Variants in VPS13B observed in about 807,000 individuals in gnomAD.
VPS13B encodes vacuolar protein sorting 13 homolog B.
Under a neutral mutation model 426.4 loss-of-function variants are expected in VPS13B, and 285 were observed. That is an observed-to-expected ratio of 0.67 (90% CI 0.61 to 0.74). VPS13B has a LOEUF of 0.74. VPS13B is among the 30% of genes least tolerant of loss of function. The pLI, the probability that VPS13B is intolerant of heterozygous loss-of-function variation, is 0.00. For missense variants in VPS13B, 4,537 were observed against 4,782.6 expected (o/e 0.95, Z 1.51); for synonymous variants, 1,676 against 1,676.4 (o/e 1.00, Z 0.01).
intron 19 of VPS13B, among the ~76,000 whole-genome samples, chr8:99,356,092 G>A (rs1812166825): frequency 6.6e-6 from 1 of 152,056 alleles, no homozygotes; most frequent in African/African-American, 2.4e-5. Flanking sequence ...TTTTATTGGG[G>A]TGAAAATAGA....
chr8:99,267,648 A>G (rs1818373388), intron 17 of VPS13B, among the ~76,000 whole-genome samples: 1 of 151,648 alleles, frequency 6.6e-6, no homozygotes, highest in Non-Finnish European at 1.5e-5. Flanking sequence ...AATCGCTTGA[A>G]CCAGGGGGTC....
intron 19 of VPS13B, among the ~76,000 whole-genome samples, chr8:99,365,965 T>G (rs1812855981): frequency 6.6e-6 from 1 of 151,894 alleles, no homozygotes; most frequent in Admixed American, 6.6e-5. Context: ...TCTCAGGTTT[T>G]TTGTTGTTTT....
At chr8:99,282,166 G>C (rs1236450218) in intron 19 of VPS13B, among the ~76,000 whole-genome samples, 1 of 151,976 alleles carries the variant, frequency 6.6e-6, no homozygotes, top group Non-Finnish European at 1.5e-5. Context: ...CCCTGCACAT[G>C]GTTGATGTTT....
intron 3 of VPS13B, among the ~76,000 whole-genome samples, chr8:99,048,151 A>G (rs1400416776): frequency 6.6e-6 from 1 of 152,206 alleles, no homozygotes; most frequent in Non-Finnish European, 1.5e-5. Context: ...ATGTATTTGC[A>G]TGGTTTTGAA....
At chr8:99,145,454 A>G (rs747442559) in intron 13 of VPS13B, among the ~76,000 whole-genome samples, 1 of 151,982 alleles carries the variant, frequency 6.6e-6, no homozygotes, top group Non-Finnish European at 1.5e-5. Flanking sequence ...CCACTTCCCT[A>G]CCATGTTCCT....
chr8:99,839,399 A>G (rs1272263576), intron 54 of VPS13B, among the ~76,000 whole-genome samples: 1 of 152,202 alleles, frequency 6.6e-6, no homozygotes, highest in African/African-American at 2.4e-5. Flanking sequence ...CAGGTGCCAA[A>G]CCCTTTGCCC....
chr8:99,597,642 C>T (rs1228485766), intron 33 of VPS13B, among the ~76,000 whole-genome samples: 1 of 151,878 alleles, frequency 6.6e-6, no homozygotes, highest in Non-Finnish European at 1.5e-5. Context: ...CATGTGATGA[C>T]AAACAAGAGG....
At chr8:99,609,048 A>G (rs1215458095) in intron 33 of VPS13B, among the ~76,000 whole-genome samples, 1 of 152,162 alleles carries the variant, frequency 6.6e-6, no homozygotes, top group Non-Finnish European at 1.5e-5. Flanking sequence ...GCTAGATCAC[A>G]TGGGAAGTCC....
chr8:99,856,120 C>T (rs913982750), intron 56 of VPS13B, among the ~76,000 whole-genome samples: 3 of 152,206 alleles, frequency 2.0e-5, no homozygotes, highest in Non-Finnish European at 4.4e-5. Context: ...GTGCTAAAAA[C>T]GAGCTCTCTT....
intron 3 of VPS13B, among the ~76,000 whole-genome samples, chr8:99,068,584 C>G (rs1010947731): frequency 2.6e-5 from 4 of 152,136 alleles, no homozygotes; most frequent in South Asian, 2.1e-4. Context: ...AGAACTACCT[C>G]AGACTGGGTA....
At chr8:99,678,270 C>T (rs891362221) in intron 35 of VPS13B, among the ~76,000 whole-genome samples, 2 of 152,170 alleles carry the variant, frequency 1.3e-5, no homozygotes, top group African/African-American at 4.8e-5. Context: ...TCAAGTCCTT[C>T]TACTTTTTTC....
At chr8:99,668,267 G>A (rs938993714) in intron 35 of VPS13B, among the ~76,000 whole-genome samples, 1 of 151,206 alleles carries the variant, frequency 6.6e-6, no homozygotes, top group African/African-American at 2.4e-5. Flanking sequence ...GAGGTGGGAG[G>A]ATTGCTTGAG....
chr8:99,390,628 A>G (rs540399225), intron 20 of VPS13B, among the ~76,000 whole-genome samples: 1 of 152,204 alleles, frequency 6.6e-6, no homozygotes, highest in East Asian at 1.9e-4. Flanking sequence ...ATAACCTTAG[A>G]CTACACTGCA....
Position 99,514,219 on chromosome 8 carries a change from G to T in VPS13B, c.4633+2707G>T, listed in dbSNP as rs118096092. Among the ~76,000 whole-genome samples the T allele has an allele frequency of 6.6e-3, 1,009 of 152,120 alleles. 5 individuals carry two copies. The highest frequency in any genetic ancestry group is 8.8e-3 in the Non-Finnish European group (596 of 67,980). On this transcript the variant is annotated intron_variant, in intron 29 of 61. Coordinates refer to ENST00000357162, the MANE Select transcript of VPS13B (RefSeq NM_152564.5). ...ATAGTGATAAATGTTTCCTTCTAAG[G>T]CAAAATTTGCCTATAAATGTAAATA...
chr8:99,462,642 A>G (rs918125748), intron 23 of VPS13B, among the ~76,000 whole-genome samples: 7 of 152,124 alleles, frequency 4.6e-5, no homozygotes, highest in Non-Finnish European at 1.0e-4. Context: ...AGCTATACCT[A>G]TATTAATGTT....
intron 15 of VPS13B, among the ~76,000 whole-genome samples, chr8:99,166,080 AG>A (rs1811987014): frequency 6.6e-6 from 1 of 152,144 alleles, no homozygotes; most frequent in Non-Finnish European, 1.5e-5. Context: ...CCCGGGTTCA[AG>A]TGATTCTCCT....
rs367547538 is a variant in VPS13B, at chr8:99,779,063, G to T, written c.7779+32G>T. ...ACATTCCATAACAGTTTACAGTTTG[G>T]CCACATATGATCTTTTATTAGGTTC... On this transcript the variant is annotated intron_variant, in intron 42 of 61. Transcript: ENST00000357162. 13 of 1,590,388 alleles carry T rather than the reference G, an allele frequency of 8.2e-6. No homozygotes were observed. The African/African-American group carries it at 1.6e-4, about 20-fold the overall frequency.
At chr8:99,680,861 CT>C (rs1251719241) in intron 35 of VPS13B, among the ~76,000 whole-genome samples, 1 of 152,126 alleles carries the variant, frequency 6.6e-6, no homozygotes, top group East Asian at 1.9e-4. Flanking sequence ...ATAGCTCCCC[CT>C]GTGTCTCTGT....
intron 17 of VPS13B, among the ~76,000 whole-genome samples, chr8:99,199,200 G>T (rs1045779163): frequency 4.0e-5 from 6 of 151,760 alleles, no homozygotes; most frequent in African/African-American, 1.2e-4. Flanking sequence ...ATATTTTTTT[G>T]AGATGGAGTC....
Sources: gnomAD v4.1 joint callset for allele counts (sites outside exome capture counted in the v4.1 genomes callset) on GRCh38, gnomAD v4.1.1 for gene constraint, MANE v1.5 for transcripts, NCBI Gene and HGNC (gene_info 2026-07-23, HGNC 2026-07-21) for gene names.